ETF1: variants seen among roughly 807,000 people sequenced by gnomAD.
ETF1 encodes the protein eukaryotic translation termination factor 1.
Under a neutral mutation model 55.1 loss-of-function variants are expected in ETF1, and 4 were observed. The observed-to-expected ratio is 0.07, with a 90% confidence interval of 0.04 to 0.17. ETF1 has a LOEUF of 0.17. ETF1 is among the 10% of genes least tolerant of loss of function. The pLI is 1.00. For synonymous variants in ETF1, 157 were observed against 182.3 expected (o/e 0.86, Z 1.12); for missense variants, 142 against 523.6 (o/e 0.27, Z 7.11).
intron 1 of ETF1, 26 bp from the exon 2 acceptor site, chr5:138,542,962 G>A (rs747274666): frequency 1.2e-5 from 19 of 1,605,738 alleles, no homozygotes; most frequent in East Asian, 4.5e-5. Context: ...GGGGCCCGGA[G>A]ACACCAAGAC....
intron 2 of ETF1, among the ~76,000 whole-genome samples, chr5:138,522,877 G>A (rs1373106331): frequency 6.6e-6 from 1 of 151,994 alleles, no homozygotes; most frequent in Non-Finnish European, 1.5e-5. Flanking sequence ...GCAGTGGCAG[G>A]CGCCTGTAGT....
intron 5 of ETF1, 29 bp from the exon 6 acceptor site, chr5:138,512,983 G>A (rs766112454): frequency 1.3e-6 from 2 of 1,483,974 alleles, no homozygotes; most frequent in African/African-American, 1.5e-5. Flanking sequence ...AAGAGAAAAA[G>A]GCAATTATTA....
chr5:138,510,580 A>G lies in ETF1; in HGVS notation c.1068T>C (p.His356=). The G allele has an allele frequency of 6.2e-7, 1 of 1,610,792 alleles. No homozygotes were observed. The highest frequency in any genetic ancestry group is 8.5e-7 in the Non-Finnish European group (1 of 1,177,014). The part of the protein sequence containing the change: ...LTPEQEKDKS[H]FTDKETGQEH... The stretch of plus-strand genomic sequence containing the variant: ...AATCACATACCTCTTTGTCTGTGAA[A>G]TGAGATTTATCCTTTTCTTGCTCTG... The change falls in exon 9 of 11, where the codon CAT becomes CAC. Residue 356 remains histidine (H), a synonymous_variant. Transcript: ENST00000360541.
chr5:138,542,558 G>A, intron 2 of ETF1: 1 of 1,269,456 alleles, frequency 7.9e-7, no homozygotes, highest in Non-Finnish European at 1.0e-6. Flanking sequence ...TAAGGGCCCG[G>A]GAGAGGTGCA....
Position 138,509,079 on chromosome 5 carries a change from C to G in ETF1, c.1084-263G>C. The G allele has an allele frequency of 3.0e-6, 3 of 985,270 alleles. No homozygotes were observed. The South Asian group carries it at 1.4e-4, about 46-fold the overall frequency. 61.0% of individuals were successfully genotyped at this position (985,270 alleles called of 1,614,324 possible). A position where few individuals can be genotyped will look rare whatever the true frequency, so the allele number is the denominator to read the frequency against. On this transcript the variant is annotated intron_variant, in intron 9 of 10. Coordinates refer to ENST00000360541, the MANE Select transcript of ETF1 (RefSeq NM_004730.4). ...ACACAAAAACTCAGTGGGTATTCAG[C>G]TTATGATTCCTACTGTTGACTCTAG...
intron 2 of ETF1, among the ~76,000 whole-genome samples, chr5:138,532,673 C>T (rs1765751765): frequency 6.6e-6 from 1 of 152,088 alleles, no homozygotes; most frequent in African/African-American, 2.4e-5. Flanking sequence ...ATGATGGTCA[C>T]CTTTACGGGA....
intron 4 of ETF1, among the ~76,000 whole-genome samples, chr5:138,517,021 A>C (rs186640634): frequency 2.4e-4 from 37 of 152,332 alleles, no homozygotes; most frequent in Non-Finnish European, 4.6e-4. Context: ...GAACCTTAAA[A>C]GTATAAAGTA....
intron 4 of ETF1, among the ~76,000 whole-genome samples, chr5:138,514,863 G>A (rs770137293): frequency 1.3e-5 from 2 of 152,208 alleles, no homozygotes; most frequent in African/African-American, 4.8e-5. Flanking sequence ...AGTTCTCACA[G>A]TGGAATCGGA....
intron 2 of ETF1, among the ~76,000 whole-genome samples, chr5:138,535,590 G>A (rs925613902): frequency 1.3e-5 from 2 of 151,470 alleles, no homozygotes; most frequent in African/African-American, 4.8e-5. Flanking sequence ...CTGTGGTGGC[G>A]GGTGCCTGTA....
chr5:138,541,765 T>TG (rs35332557), intron 2 of ETF1: 3,578 of 159,408 alleles, frequency 0.022, 41 homozygotes, highest in Middle Eastern at 0.036. Flanking sequence ...CACTTTTTTT[T>TG]GGGGGGGGGG....
chr5:138,510,392 G>A (rs1316616718), intron 9 of ETF1, among the ~76,000 whole-genome samples, 173 bp downstream of exon 9: 9 of 121,462 alleles, frequency 7.4e-5, no homozygotes, highest in Admixed American at 6.2e-4. Context: ...AAAAAAAGCT[G>A]CAGCTCCTTC....
rs556278796 is a variant in ETF1, at chr5:138,531,291, T to A, written c.86+11542A>T. Among the ~76,000 whole-genome samples the A allele has an allele frequency of 2.0e-5, 3 of 152,260 alleles. No homozygotes were observed. The East Asian group carries it at 5.8e-4, about 29-fold the overall frequency. ...TGTTCTCTTGCCATGAGAGGAACAG[T>A]GTTCCTCCCCAACAAAGGATGCAGC... On this transcript the variant is annotated intron_variant, in intron 2 of 10. Coordinates refer to ENST00000360541, the MANE Select transcript of ETF1 (RefSeq NM_004730.4).
At chr5:138,540,675 G>A (rs1389848929) in intron 2 of ETF1, among the ~76,000 whole-genome samples, 1 of 152,156 alleles carries the variant, frequency 6.6e-6, no homozygotes, top group Non-Finnish European at 1.5e-5. Context: ...AATGTGTAGC[G>A]GAAGGTCCTC....
rs573641369 is a variant in ETF1 at position 138,508,876 on chromosome 5, T to C, written c.1084-60A>G. Reference sequence around the variant, plus strand: ...ATTAGGATATATGAAGGCTAATTAGTCCCTCTCACAGCCCCTTGCCCACCT... The same window carrying C: ...ATTAGGATATATGAAGGCTAATTAGCCCCTCTCACAGCCCCTTGCCCACCT... On this transcript the variant is annotated intron_variant, in intron 9 of 10. Transcript: ENST00000360541. 3.3e-4 allele frequency: 524 copies of C among 1,573,136 alleles called. 2 individuals carry two copies. The African/African-American group carries it at 6.2e-3, about 19-fold the overall frequency.
At position 138,528,772 on chromosome 5, in the gene ETF1, G is replaced by T. The variant is rs1765577313; in HGVS notation, c.87-9905C>A. On this transcript the variant is annotated intron_variant, in intron 2 of 10. Coordinates refer to ENST00000360541, the MANE Select transcript of ETF1 (RefSeq NM_004730.4). ...CACCTGACTAGGGAGGGGAAATGCA[G>T]ATTATTAAATGGATGGCTTTCACTT... Among the ~76,000 whole-genome samples the T allele has an allele frequency of 2.6e-5, 4 of 152,244 alleles. No homozygotes were observed. The South Asian group carries it at 8.3e-4, about 32-fold the overall frequency.
At chr5:138,519,014 T>C in intron 2 of ETF1, 147 bp from the exon 3 acceptor site, 1 of 1,454,654 alleles carries the variant, frequency 6.9e-7, no homozygotes, top group Non-Finnish European at 9.1e-7. Context: ...ACTATATTAG[T>C]CTTGTTTATG....
At chr5:138,511,260 C>A in intron 7 of ETF1, 60 bp from the exon 8 acceptor site, 1 of 1,585,406 alleles carries the variant, frequency 6.3e-7, no homozygotes, top group Non-Finnish European at 8.6e-7. Flanking sequence ...GATACAAACA[C>A]ACCTATTCGA....
intron 2 of ETF1, among the ~76,000 whole-genome samples, chr5:138,525,161 ATT>A (rs1274961753): frequency 2.8e-5 from 4 of 144,158 alleles, no homozygotes; most frequent in Non-Finnish European, 1.5e-5. Context: ...ACTATTAATA[ATT>A]TTTTTTTTTT....
chr5:138,510,669 C>A, intron 8 of ETF1, 40 bp from the exon 9 acceptor site: 2 of 1,610,864 alleles, frequency 1.2e-6, no homozygotes, highest in South Asian at 2.2e-5. Context: ...ACCTGGCTCT[C>A]ATATACTAAT....
Sources: gnomAD v4.1 joint callset for allele counts (sites outside exome capture counted in the v4.1 genomes callset) on GRCh38, gnomAD v4.1.1 for gene constraint, MANE v1.5 for transcripts, NCBI Gene and HGNC (gene_info 2026-07-23, HGNC 2026-07-21) for gene names.